Variants in DNM3 observed in about 807,000 individuals in gnomAD.
DNM3 encodes dynamin-3.
Under a neutral mutation model 101.6 loss-of-function variants are expected in DNM3, and 47 were observed. The observed-to-expected ratio is 0.46, with a 90% CI of 0.37 to 0.59. The LOEUF (loss-of-function observed/expected upper bound fraction) is 0.59. DNM3 is among the 20% of genes least tolerant of loss of function. The pLI is 0.00. For missense variants in DNM3, 849 were observed against 1,085.7 expected (o/e 0.78, Z 3.06); for synonymous variants, 385 against 387.9 (o/e 0.99, Z 0.09).
At chr1:172,385,679 G>A (rs1280782798) in intron 18 of DNM3, among the ~76,000 whole-genome samples, 4 of 152,134 alleles carry the variant, frequency 2.6e-5, no homozygotes, top group African/African-American at 9.7e-5. Flanking sequence ...TGTCATCTCT[G>A]AATTACAAAT....
intron 14 of DNM3, among the ~76,000 whole-genome samples, chr1:172,183,665 A>G (rs1193705962): frequency 1.3e-5 from 2 of 151,890 alleles, no homozygotes; most frequent in African/African-American, 4.8e-5. Context: ...CAGTGATGCA[A>G]TCATGGCTTA....
intron 1 of DNM3, among the ~76,000 whole-genome samples, chr1:171,855,746 A>C (rs996263434): frequency 2.0e-5 from 3 of 151,930 alleles, no homozygotes; most frequent in Non-Finnish European, 4.4e-5. Flanking sequence ...AAATTTGTTT[A>C]AGTTACTTAC....
At chr1:172,335,898 T>C (rs1298396210) in intron 17 of DNM3, among the ~76,000 whole-genome samples, 2 of 152,072 alleles carry the variant, frequency 1.3e-5, no homozygotes, top group Non-Finnish European at 2.9e-5. Context: ...CATCACATAA[T>C]ATACTCATGT....
chr1:172,312,470 T>G (rs1045387489), intron 16 of DNM3, among the ~76,000 whole-genome samples: 1 of 152,212 alleles, frequency 6.6e-6, no homozygotes, highest in African/African-American at 2.4e-5. Flanking sequence ...ACAGATTTTA[T>G]TTTCTAGTAA....
At chr1:172,393,111 T>A (rs2069669553) in intron 20 of DNM3, 2 of 152,206 alleles carry the variant, frequency 1.3e-5, no homozygotes, top group Non-Finnish European at 2.9e-5. Flanking sequence ...AATCCCACAT[T>A]TTCAGTAATT....
At position 171,987,664 on chromosome 1, in the gene DNM3, G is replaced by A. The variant is rs1332628950; in HGVS notation, c.244G>A (p.Glu82Lys). The change falls in exon 3 of 21, where the codon GAG becomes AAG. Residue 82 changes from glutamate to lysine, a missense_variant. By Grantham distance (56) the Glu-to-Lys change is moderately conservative. Around this residue, in one of 5 missense-constraint regions of DNM3, gnomAD observed 388 missense variants for 483.0 expected, o/e 0.80. Coordinates refer to ENST00000627582, the MANE Select transcript of DNM3 (RefSeq NM_015569.5). ...QLVTSKAEYA[E>K]FLHCKGKKFT... ...TGGTTTTATTTTTGTAGAATATGCC[G>A]AGTTTCTACATTGCAAAGGAAAGAA... 2 of 1,577,752 alleles carry A rather than the reference G, an allele frequency of 1.3e-6. No homozygotes were observed. Among genetic ancestry groups the A allele is most frequent in the Non-Finnish European group, 1.7e-6 (2 of 1,166,158 alleles).
chr1:172,123,217 C>A (rs1357128845), intron 13 of DNM3, among the ~76,000 whole-genome samples: 1 of 152,136 alleles, frequency 6.6e-6, no homozygotes, highest in Non-Finnish European at 1.5e-5. Flanking sequence ...GAAAAACAAT[C>A]TTTCATCAAA....
chr1:172,171,596 A>G (rs2058963438), intron 14 of DNM3, among the ~76,000 whole-genome samples: 1 of 151,782 alleles, frequency 6.6e-6, no homozygotes, highest in Non-Finnish European at 1.5e-5. Context: ...GAGTAGCTGT[A>G]TACTGTCTAC....
At chr1:172,182,312 C>T (rs2059379163) in intron 14 of DNM3, among the ~76,000 whole-genome samples, 1 of 151,762 alleles carries the variant, frequency 6.6e-6, no homozygotes, top group Non-Finnish European at 1.5e-5. Context: ...AGTTTGTGTG[C>T]ATGAAATTAA....
intron 11 of DNM3, among the ~76,000 whole-genome samples, chr1:172,077,616 T>A (rs143540514): frequency 0.014 from 2,156 of 152,288 alleles, 45 homozygotes; most frequent in African/African-American, 0.048. Context: ...CATGTAGTTG[T>A]GCGCTTTTGA....
At chr1:172,153,912 C>A (rs1053214561) in intron 14 of DNM3, among the ~76,000 whole-genome samples, 1 of 152,046 alleles carries the variant, frequency 6.6e-6, no homozygotes, top group Admixed American at 6.6e-5. Context: ...ACAGATTGAT[C>A]ATATTTTTAT....
At chr1:172,263,223 A>G (rs904981934) in intron 15 of DNM3, among the ~76,000 whole-genome samples, 1 of 152,216 alleles carries the variant, frequency 6.6e-6, no homozygotes, top group Non-Finnish European at 1.5e-5. Flanking sequence ...GTATACACAC[A>G]TGAAAGTTTT....
chr1:172,279,929 G>C (rs1189941610), intron 15 of DNM3, among the ~76,000 whole-genome samples: 2 of 152,026 alleles, frequency 1.3e-5, no homozygotes, highest in African/African-American at 2.4e-5. Flanking sequence ...AGACCCCTCT[G>C]CTTAAAGTCC....
chr1:171,977,457 G>GA (rs149056855), intron 2 of DNM3, among the ~76,000 whole-genome samples: 2,553 of 152,006 alleles, frequency 0.017, 101 homozygotes, highest in African/African-American at 0.058. Flanking sequence ...CACAAGGGGA[G>GA]AAAAAAAGCA....
intron 14 of DNM3, among the ~76,000 whole-genome samples, chr1:172,251,210 C>T (rs931415919): frequency 1.3e-5 from 2 of 152,054 alleles, no homozygotes. Context: ...TAAGATGATG[C>T]TAAGACTGTA....
intron 4 of DNM3, among the ~76,000 whole-genome samples, chr1:172,020,321 A>C (rs1273584866): frequency 6.6e-6 from 1 of 152,174 alleles, no homozygotes; most frequent in Non-Finnish European, 1.5e-5. Context: ...GGCTAGAGCA[A>C]GCTGGAGTTA....
intron 4 of DNM3, among the ~76,000 whole-genome samples, chr1:172,005,200 C>A (rs1234935265): frequency 1.3e-5 from 2 of 152,100 alleles, no homozygotes; most frequent in East Asian, 3.9e-4. Flanking sequence ...AATAATAATA[C>A]CTTCCTTTTA....
intron 6 of DNM3, among the ~76,000 whole-genome samples, chr1:172,035,424 G>C (rs1430832594): frequency 6.6e-6 from 1 of 152,038 alleles, no homozygotes; most frequent in African/African-American, 2.4e-5. Flanking sequence ...AGAGAACAGA[G>C]AGTAAATAAA....
chr1:172,068,329 AAAAT>A (rs764218264), intron 10 of DNM3, among the ~76,000 whole-genome samples: 9 of 152,318 alleles, frequency 5.9e-5, no homozygotes, highest in African/African-American at 2.2e-4. Context: ...ACTCTGTCTC[AAAAT>A]AAATAAATAA....
Sources: allele counts gnomAD v4.1 joint callset (sites outside exome capture counted in the v4.1 genomes callset), GRCh38; gene constraint gnomAD v4.1.1; regional missense constraint gnomAD v4.1.1; transcripts MANE v1.5; gene names NCBI Gene and HGNC (gene_info 2026-07-23, HGNC 2026-07-21).